Variants in SNTN observed in about 807,000 individuals in gnomAD.
SNTN encodes the protein sentan, cilia apical structure protein.
SNTN carries 13 observed loss-of-function variants against 12.3 expected under a neutral mutation model. The ratio of observed to expected loss-of-function variants is 1.05; its 90% CI spans 0.69 to 1.67. SNTN has a LOEUF of 1.67. SNTN is among the 40% of genes most tolerant of loss of function. The probability of loss-of-function intolerance (pLI) is 0.00; values close to 1 mark genes in which losing one functional copy is unlikely to be tolerated. For missense variants in SNTN, 189 were observed against 169.8 expected, an observed-to-expected ratio of 1.11 and a Z score of -0.63; for synonymous variants, 69 against 58.5, an observed-to-expected ratio of 1.18 and a Z score of -0.82.
At chr3:63,663,118 A>T (rs1700759210) in intron 3 of SNTN, among the ~76,000 whole-genome samples, 1 of 152,208 alleles carries the variant, frequency 6.6e-6, no homozygotes, top group Non-Finnish European at 1.5e-5. Context: ...TAACACAAAG[A>T]TTGTATTTTG....
At chr3:63,657,741 A>G (rs1027248078) in intron 2 of SNTN, among the ~76,000 whole-genome samples, 5 of 152,188 alleles carry the variant, frequency 3.3e-5, no homozygotes, top group Admixed American at 6.5e-5. Flanking sequence ...GGATTCCACA[A>G]TCACGATGGG....
Position 63,659,774 on chromosome 3 carries a change from G to T in SNTN, c.195G>T (p.Leu65=), listed in dbSNP as rs1245535056. Reference sequence around the variant, plus strand: ...AAAAAGCTATTGCCACCACTGCTCTGATTTTCAGAAATTCTTCTGACTCTG... The same window carrying T: ...AAAAAGCTATTGCCACCACTGCTCTTATTTTCAGAAATTCTTCTGACTCTG... ...DLEKAIATTA[L]IFRNSSDSDG... is the part of the protein sequence containing the mutation. The change falls in exon 3 of 4, where the codon CTG becomes CTT. Residue 65 remains leucine (L), a synonymous_variant. Transcript: ENST00000343837. The T allele has an allele frequency of 9.9e-6, 16 of 1,613,982 alleles. No individual in the cohort carries two copies. The highest frequency in any genetic ancestry group is 1.3e-5 in the Non-Finnish European group (15 of 1,179,928).
chr3:63,657,317 T>A (rs944257714), intron 2 of SNTN, among the ~76,000 whole-genome samples: 1 of 152,190 alleles, frequency 6.6e-6, no homozygotes, highest in East Asian at 1.9e-4. Context: ...AGAGAGCCAA[T>A]AAAAGATGCC....
intron 2 of SNTN, among the ~76,000 whole-genome samples, chr3:63,655,423 C>G (rs1199647388): frequency 6.6e-6 from 1 of 152,160 alleles, no homozygotes; most frequent in African/African-American, 2.4e-5. Flanking sequence ...TCCTAGATGA[C>G]TAGCCAAACT....
Position 63,652,736 on chromosome 3 carries a change from G to A in SNTN, c.49G>A (p.Gly17Arg). ...STQDKSLHLEGDPNPSAAPTS... is the reference protein window; with the variant it reads ...STQDKSLHLERDPNPSAAPTS... ...CCAGGACAAATCTCTCCACTTGGAAGGAGATCCCAATCCTTCTGCAGCCCC... is the reference window on the plus strand; with the variant it reads ...CCAGGACAAATCTCTCCACTTGGAAAGAGATCCCAATCCTTCTGCAGCCCC... The change falls in exon 1 of 4, where the codon GGA becomes AGA. Residue 17 changes from glycine to arginine, a missense_variant. By Grantham distance (125) the Gly-to-Arg change is moderately radical. Coordinates refer to ENST00000343837, the MANE Select transcript of SNTN (RefSeq NM_001080537.2). 1.2e-6 allele frequency: 2 copies of A among 1,614,086 alleles called. No individual in the cohort carries two copies. Among genetic ancestry groups the A allele is most frequent in the South Asian group, 1.1e-5 (1 of 91,076 alleles).
chr3:63,656,534 G>C (rs926516777), intron 2 of SNTN, among the ~76,000 whole-genome samples: 3 of 152,068 alleles, frequency 2.0e-5, no homozygotes, highest in Non-Finnish European at 4.4e-5. Context: ...ATGACATGTT[G>C]AAATGATAAT....
intron 2 of SNTN, among the ~76,000 whole-genome samples, chr3:63,657,313 C>T (rs1700690876): frequency 6.6e-6 from 1 of 152,054 alleles, no homozygotes. Context: ...GGCAAGAGAG[C>T]CAATAAAAGA....
At chr3:63,654,832 C>G in intron 2 of SNTN, 36 bp downstream of exon 2, 3 of 1,599,398 alleles carry the variant, frequency 1.9e-6, no homozygotes, top group Non-Finnish European at 2.6e-6. Flanking sequence ...CATTTTTCTC[C>G]TCTACCAAGA....
intron 2 of SNTN, among the ~76,000 whole-genome samples, chr3:63,658,324 T>C (rs535407985): frequency 6.6e-6 from 1 of 151,588 alleles, no homozygotes; most frequent in African/African-American, 2.4e-5. Context: ...CCCATCTAAG[T>C]AGTTTTCCTC....
At position 63,659,768 on chromosome 3, in the gene SNTN, T is replaced by C; in HGVS notation, c.189T>C (p.Thr63=). 2 of 1,614,026 alleles carry C rather than the reference T, an allele frequency of 1.2e-6. No individual in the cohort carries two copies. The highest frequency in any genetic ancestry group is 1.7e-6 in the Non-Finnish European group (2 of 1,179,914). The change falls in exon 3 of 4, where the codon ACT becomes ACC. Residue 63 remains threonine (T), a synonymous_variant. Coordinates refer to ENST00000343837, the MANE Select transcript of SNTN (RefSeq NM_001080537.2). The stretch of plus-strand genomic sequence containing the variant: ...ATCTGGAAAAAGCTATTGCCACCAC[T>C]GCTCTGATTTTCAGAAATTCTTCTG... The part of the protein sequence containing the change: ...CSDLEKAIAT[T]ALIFRNSSDS...
intron 3 of SNTN, 26 bp from the exon 4 acceptor site, chr3:63,663,911 C>T (rs529087269): frequency 4.6e-5 from 74 of 1,604,946 alleles, no homozygotes; most frequent in South Asian, 3.8e-4. Context: ...ACAACGAATT[C>T]GGTTTTTATT....
At chr3:63,656,760 G>A (rs1028900344) in intron 2 of SNTN, among the ~76,000 whole-genome samples, 1 of 152,148 alleles carries the variant, frequency 6.6e-6, no homozygotes, top group African/African-American at 2.4e-5. Flanking sequence ...AATTACAGAA[G>A]CACAAAGGAA....
rs1700776993 is a variant in SNTN, at chr3:63,664,224, G to C, written c.*129G>C. 2 of 849,998 alleles carry C rather than the reference G, an allele frequency of 2.4e-6. No homozygotes were observed. The highest frequency in any genetic ancestry group is 3.5e-6 in the Non-Finnish European group (2 of 566,936). 52.7% of individuals were successfully genotyped at this position (849,998 alleles called of 1,614,324 possible). ...TTGCCTAGGATGGTTCTGATTGCTG[G>C]TATTCAGATCCAATGTAACTCCAAA... On this transcript the variant is annotated 3_prime_UTR_variant, in exon 4 of 4. Coordinates refer to ENST00000343837, the MANE Select transcript of SNTN (RefSeq NM_001080537.2).
At chr3:63,656,542 A>C (rs1700681263) in intron 2 of SNTN, among the ~76,000 whole-genome samples, 1 of 152,184 alleles carries the variant, frequency 6.6e-6, no homozygotes, top group African/African-American at 2.4e-5. Context: ...TTGAAATGAT[A>C]ATATTTTAAT....
In SNTN at chr3:63,664,279, A is replaced by T; in HGVS notation, c.*184A>T. ...TACCCATACACTTCAAGAATGTTTG[A>T]ATGATAAGGTCTCTGTGTGCTTTAC... On this transcript the variant is annotated 3_prime_UTR_variant, in exon 4 of 4. Transcript: ENST00000343837. 3.5e-6 allele frequency: 2 copies of T among 569,064 alleles called. No homozygotes were observed. The highest frequency in any genetic ancestry group is 4.8e-5 in the South Asian group (2 of 41,430). The allele number at this position is 569,064 out of a possible 1,614,324, so 35.3% of individuals were successfully genotyped here. A position where few individuals can be genotyped will look rare whatever the true frequency, so the allele number is the denominator to read the frequency against.
intron 1 of SNTN, among the ~76,000 whole-genome samples, chr3:63,654,522 A>T (rs545661496): frequency 6.6e-6 from 1 of 152,270 alleles, no homozygotes; most frequent in Admixed American, 6.5e-5. Context: ...TTAGTCACAT[A>T]GCTGCAAAAC....
chr3:63,653,262 T>C (rs1700640331), intron 1 of SNTN, among the ~76,000 whole-genome samples: 1 of 152,120 alleles, frequency 6.6e-6, no homozygotes. Context: ...GAAGGAGATA[T>C]GGATATGAAC....
chr3:63,654,363 C>T (rs889401677), intron 1 of SNTN, among the ~76,000 whole-genome samples: 2 of 152,328 alleles, frequency 1.3e-5, no homozygotes, highest in South Asian at 4.2e-4. Context: ...TTACTCCATG[C>T]AGTCACGTGA....
chr3:63,656,495 T>C (rs1700680753), intron 2 of SNTN, among the ~76,000 whole-genome samples: 1 of 152,186 alleles, frequency 6.6e-6, no homozygotes, highest in Admixed American at 6.6e-5. Flanking sequence ...AAAAAAAATG[T>C]AAAATATCCC....
Sources: gnomAD v4.1 joint callset for allele counts (sites outside exome capture counted in the v4.1 genomes callset) on GRCh38, gnomAD v4.1.1 for gene constraint, MANE v1.5 for transcripts, NCBI Gene and HGNC (gene_info 2026-07-23, HGNC 2026-07-21) for gene names.